Variants in GNS observed in about 807,000 individuals in gnomAD.
GNS encodes the protein N-acetylglucosamine-6-sulfatase.
A neutral mutation model predicts 69.7 loss-of-function variants in GNS; 40 were observed. The observed-to-expected ratio is 0.57, with a 90% CI of 0.45 to 0.75. The LOEUF (loss-of-function observed/expected upper bound fraction) is 0.75. Ranked by LOEUF, GNS falls within the 30% of genes least tolerant of loss-of-function variation. The pLI is 0.00. For synonymous variants in GNS, 243 were observed against 251.6 expected, an observed-to-expected ratio of 0.97 and a Z score of 0.32; for missense variants, 565 against 685.5, an observed-to-expected ratio of 0.82 and a Z score of 1.96.
At chr12:64,729,133 T>TC in intron 9 of GNS, 76 bp from the exon 10 acceptor site, 1 of 805,370 alleles carries the variant, frequency 1.2e-6, no homozygotes, top group South Asian at 1.4e-5. Context: ...AAAGTTCTCT[T>TC]CCCCCCACCC....
At chr12:64,758,276 A>G (rs1002181535) in intron 1 of GNS, among the ~76,000 whole-genome samples, 4 of 138,838 alleles carry the variant, frequency 2.9e-5, no homozygotes, top group Non-Finnish European at 6.2e-5. Context: ...CAATAGTTCG[A>G]CGGTCGGCCT....
intron 13 of GNS, among the ~76,000 whole-genome samples, chr12:64,717,652 C>T (rs548350698): frequency 4.6e-5 from 7 of 152,002 alleles, no homozygotes; most frequent in South Asian, 2.1e-4. Flanking sequence ...TGTGAGCCAC[C>T]GCGCCCAGCC....
chr12:64,756,641 A>C (rs753352431), intron 1 of GNS: 1 of 810,272 alleles, frequency 1.2e-6, no homozygotes. Flanking sequence ...GTGATGACTG[A>C]AGCACAAGTA....
At chr12:64,758,724 C>T (rs943475807) in intron 1 of GNS, among the ~76,000 whole-genome samples, 1 of 152,096 alleles carries the variant, frequency 6.6e-6, no homozygotes, top group Non-Finnish European at 1.5e-5. Flanking sequence ...GTCTGTGATC[C>T]TCTAATCCAA....
chr12:64,749,536 G>A (rs1328443077), intron 2 of GNS, among the ~76,000 whole-genome samples: 4 of 152,206 alleles, frequency 2.6e-5, no homozygotes, highest in African/African-American at 9.6e-5. Flanking sequence ...ATAGGCGTGA[G>A]CCACCGTGTC....
intron 6 of GNS, among the ~76,000 whole-genome samples, chr12:64,742,187 A>AT (rs1423740500): frequency 3.9e-5 from 6 of 152,020 alleles, no homozygotes; most frequent in East Asian, 1.9e-4. Context: ...CGCCCGGCTA[A>AT]TTTTTTGTAC....
intron 3 of GNS, chr12:64,746,125 C>T: frequency 3.8e-6 from 1 of 264,430 alleles, no homozygotes; most frequent in South Asian, 4.2e-5. Context: ...TGCTTTCACG[C>T]TACAGTGGCA....
In GNS at chr12:64,752,727, C is replaced by G. The variant is rs371990029; in HGVS notation, c.223G>C (p.Gly75Arg). Residue 75 changes from glycine (G) to arginine (R), a missense_variant, in exon 2 of 14, where the codon GGA (glycine) becomes CGA (arginine). By Grantham distance (125) the Gly-to-Arg change is moderately radical. Transcript: ENST00000258145. Reference sequence around the variant, plus strand: ...CTGGAAAAAGTCATCCCCATCTCTCCGATGAGAGCTTTGGTTTTCTTTAGC... The same window carrying G: ...CTGGAAAAAGTCATCCCCATCTCTCGGATGAGAGCTTTGGTTTTCTTTAGC... ...TPLKKTKALIGEMGMTFSSAY... is the reference protein window; with the variant it reads ...TPLKKTKALIREMGMTFSSAY... The G allele has an allele frequency of 3.3e-6, 5 of 1,535,496 alleles. No individual in the cohort carries two copies. Among genetic ancestry groups the G allele is most frequent in the Non-Finnish European group, 4.5e-6 (5 of 1,109,904 alleles).
At chr12:64,751,448 C>A (rs1431931047) in intron 2 of GNS, among the ~76,000 whole-genome samples, 1 of 152,144 alleles carries the variant, frequency 6.6e-6, no homozygotes, top group Non-Finnish European at 1.5e-5. Flanking sequence ...ACAGTCGGAA[C>A]AACATTAAAT....
In GNS at chr12:64,713,955, C is replaced by G. The variant is rs976506035; in HGVS notation, c.*2786G>C. 1.3e-5 allele frequency: 2 copies of G among 151,984 alleles called. No homozygotes were observed. Among genetic ancestry groups the G allele is most frequent in the African/African-American group, 4.8e-5 (2 of 41,372 alleles). The allele number at this position is 151,984 out of a possible 1,614,324, so 9.4% of individuals were successfully genotyped here. On this transcript the variant is annotated 3_prime_UTR_variant, in exon 14 of 14. Coordinates refer to ENST00000258145, the MANE Select transcript of GNS (RefSeq NM_002076.4). ...ATCAGCCTGGCCAACATGGTGAAAC[C>G]CCGTCTCTACTAAAATTACAAAAAT...
Position 64,716,441 on chromosome 12 carries a change from A to C in GNS, c.*300T>G. ...AATTCAGTCTTTAACCACAAGAGGA[A>C]TAATCAAGAACTGTGGCCCCAGGAT... On this transcript the variant is annotated 3_prime_UTR_variant, in exon 14 of 14. Transcript: ENST00000258145. 2.3e-6 allele frequency: 1 copy of C among 432,448 alleles called. No individual in the cohort carries two copies. Among genetic ancestry groups the C allele is most frequent in the Non-Finnish European group, 4.3e-6 (1 of 231,468 alleles). 26.8% of individuals were successfully genotyped at this position (432,448 alleles called of 1,614,324 possible). A position where few individuals can be genotyped will look rare whatever the true frequency, so the allele number is the denominator to read the frequency against.
chr12:64,746,264 G>A (rs1051598793), intron 3 of GNS: 1 of 169,128 alleles, frequency 5.9e-6, no homozygotes, highest in African/African-American at 2.4e-5. Context: ...CTGAGCTGCT[G>A]ATACCATAGA....
intron 9 of GNS, among the ~76,000 whole-genome samples, chr12:64,729,991 T>C (rs945210557): frequency 1.3e-5 from 2 of 152,200 alleles, no homozygotes; most frequent in African/African-American, 2.4e-5. Flanking sequence ...ATTTGGACTA[T>C]CCACATTTCA....
intron 2 of GNS, 139 bp from the exon 3 acceptor site, chr12:64,748,057 T>C: frequency 1.5e-6 from 1 of 677,308 alleles, no homozygotes; most frequent in Non-Finnish European, 2.7e-6. Flanking sequence ...TATATTTTTT[T>C]CTACACATGA....
intron 2 of GNS, among the ~76,000 whole-genome samples, chr12:64,749,053 C>T (rs1332312432): frequency 2.0e-5 from 3 of 151,772 alleles, no homozygotes; most frequent in South Asian, 2.1e-4. Flanking sequence ...CATTCTCTTG[C>T]CTCAGCCTCC....
chr12:64,728,161 G>C lies in GNS; in HGVS notation c.1200+795C>G, dbSNP rs544681359. 7.9e-5 allele frequency among the ~76,000 whole-genome samples: 12 copies of C among 152,274 alleles called. No individual in the cohort carries two copies. The East Asian group carries it at 1.9e-3, about 24-fold the overall frequency. ...GATGGTCTCGAACCCCTGACTTCAGGTGATCCACCCACCTTTGGCCTCCCA... is the reference window on the plus strand; with the variant it reads ...GATGGTCTCGAACCCCTGACTTCAGCTGATCCACCCACCTTTGGCCTCCCA... On this transcript the variant is annotated intron_variant, in intron 10 of 13. Coordinates refer to ENST00000258145, the MANE Select transcript of GNS (RefSeq NM_002076.4).
chr12:64,755,330 C>T (rs7134282), intron 1 of GNS, among the ~76,000 whole-genome samples: 1 of 152,042 alleles, frequency 6.6e-6, no homozygotes, highest in Non-Finnish European at 1.5e-5. Context: ...GTAATCCCAC[C>T]CCTTTGGGAG....
Position 64,725,765 on chromosome 12 carries a change from G to A in GNS, c.1201-2652C>T, listed in dbSNP as rs1869175197. 3.9e-5 allele frequency among the ~76,000 whole-genome samples: 6 copies of A among 152,034 alleles called. No individual in the cohort carries two copies. In the South Asian group the frequency reaches 1.2e-3, roughly 32 times the overall value. ...TAATCCCAGCACTTTAGGAGGCCAA[G>A]GAGGGGGGATCACGAGGTCGGGAGA... On this transcript the variant is annotated intron_variant, in intron 10 of 13. Coordinates refer to ENST00000258145, the MANE Select transcript of GNS (RefSeq NM_002076.4).
chr12:64,746,005 TAAG>T, intron 3 of GNS: 1 of 484,800 alleles, frequency 2.1e-6, no homozygotes, highest in East Asian at 3.6e-5. Context: ...TTAATCAAAA[TAAG>T]AATATTTTGT....
Sources: gnomAD v4.1 joint callset for allele counts (sites outside exome capture counted in the v4.1 genomes callset) on GRCh38, gnomAD v4.1.1 for gene constraint, MANE v1.5 for transcripts, NCBI Gene and HGNC (gene_info 2026-07-23, HGNC 2026-07-21) for gene names.